Variants in KCTD1 observed in about 807,000 individuals in gnomAD.
The protein encoded by KCTD1 is BTB/POZ domain-containing protein KCTD1.
A neutral mutation model predicts 66.0 loss-of-function variants in KCTD1; 24 were observed. That is an observed-to-expected ratio of 0.36 (90% CI 0.26 to 0.51). The LOEUF (loss-of-function observed/expected upper bound fraction) is 0.51. Among genes scored for constraint, KCTD1 ranks in the 20% least tolerant of loss-of-function variants. The probability of loss-of-function intolerance (pLI) is 0.95; values close to 1 mark genes in which losing one functional copy is unlikely to be tolerated. For synonymous variants in KCTD1, 511 were observed against 517.2 expected (o/e 0.99, Z 0.16); for missense variants, 943 against 1,205.2 (o/e 0.78, Z 3.22).
At position 26,603,255 on chromosome 18, in the gene KCTD1, C is replaced by A. The variant is rs1004457054; in HGVS notation, c.-16+25892G>T. Among the ~76,000 whole-genome samples, 7 of 151,176 alleles carry A rather than the reference C, an allele frequency of 4.6e-5. No homozygotes were observed. The South Asian group carries it at 6.3e-4, about 14-fold the overall frequency. The stretch of plus-strand genomic sequence containing the variant: ...GATCAGCCTGGGCAACATGGTGAAA[C>A]CTTGTCTGTACTAGAAATACAAAAA... On this transcript the variant is annotated intron_variant, in intron 1 of 4. Coordinates refer to the KCTD1 transcript ENST00000317932.
At chr18:26,617,560 T>A (rs1012184737) in intron 1 of KCTD1, among the ~76,000 whole-genome samples, 4 of 152,210 alleles carry the variant, frequency 2.6e-5, no homozygotes. Flanking sequence ...GAGGGAATAA[T>A]GTTTTATAAA....
rs975585121 is a variant in KCTD1 at position 26,656,270 on chromosome 18, C to A, written c.9+1090G>T. 2.6e-5 allele frequency among the ~76,000 whole-genome samples: 4 copies of A among 152,182 alleles called. No individual in the cohort carries two copies. In the East Asian group the frequency reaches 7.8e-4, roughly 30 times the overall value. Reference sequence around the variant, plus strand: ...CCGGGAAGAGGCGAGCGCAGCAAAGCCACAGCCATTACCTGCAGCGCTCGC... The same window carrying A: ...CCGGGAAGAGGCGAGCGCAGCAAAGACACAGCCATTACCTGCAGCGCTCGC... On this transcript the variant is annotated intron_variant, in intron 1 of 4. Coordinates refer to the KCTD1 transcript ENST00000580191.
At chr18:26,560,956 C>T (rs1985833465) in intron 1 of KCTD1, among the ~76,000 whole-genome samples, 1 of 152,152 alleles carries the variant, frequency 6.6e-6, no homozygotes, top group African/African-American at 2.4e-5. Context: ...TACAAGGGTG[C>T]TCTTGAAGCA....
intron 3 of KCTD1, among the ~76,000 whole-genome samples, chr18:26,465,682 G>T (rs1212572541): frequency 1.3e-5 from 2 of 152,292 alleles, no homozygotes; most frequent in East Asian, 3.9e-4. Flanking sequence ...ACGGCGGGAC[G>T]GAAGGCAGGC....
At chr18:26,466,049 C>T (rs28648738) in intron 3 of KCTD1, among the ~76,000 whole-genome samples, 1 of 24,172 alleles carries the variant, frequency 4.1e-5, no homozygotes, top group East Asian at 2.5e-3. Flanking sequence ...GCCACTCTGC[C>T]TTCTCCGAGA....
At chr18:26,586,471 C>T (rs776272800) in intron 1 of KCTD1, among the ~76,000 whole-genome samples, 1 of 152,114 alleles carries the variant, frequency 6.6e-6, no homozygotes, top group South Asian at 2.1e-4. Context: ...TGAAATTAGG[C>T]CAACTAATAA....
At chr18:26,550,334 AT>A (rs879259595), upstream of KCTD1, among the ~76,000 whole-genome samples, 589 of 144,754 alleles carry the variant, frequency 4.1e-3, 1 homozygote, top group African/African-American at 0.012. This position sits in a 1 kb window ranked among gnomAD's most constrained non-coding sequence, Gnocchi z 5.4. Flanking sequence ...ATCAATTTGC[AT>A]TTTTTTTTTT....
chr18:26,593,924 T>G (rs62085481), intron 1 of KCTD1, among the ~76,000 whole-genome samples: 36,549 of 147,544 alleles, frequency 0.25, 4,675 homozygotes, highest in East Asian at 0.34. Flanking sequence ...AGGAGGAAGA[T>G]GAGGAGGAGA....
intron 1 of KCTD1, among the ~76,000 whole-genome samples, chr18:26,569,472 A>G (rs1027334101): frequency 2.0e-5 from 3 of 152,126 alleles, no homozygotes; most frequent in African/African-American, 7.2e-5. Flanking sequence ...ATGGAAAAGA[A>G]ACACTTCCTA....
intron 1 of KCTD1, among the ~76,000 whole-genome samples, chr18:26,512,787 C>T (rs1983404884): frequency 6.6e-6 from 1 of 152,012 alleles, no homozygotes; most frequent in African/African-American, 2.4e-5. Flanking sequence ...TCAAGACCAG[C>T]CTTGACAACA....
intron 1 of KCTD1, chr18:26,566,933 C>T (rs1188131527): frequency 1.3e-5 from 2 of 151,832 alleles, no homozygotes; most frequent in African/African-American, 2.4e-5. Context: ...CCCCAGTGTC[C>T]CTGGGGTGGT....
upstream of KCTD1, among the ~76,000 whole-genome samples, chr18:26,644,852 T>C (rs1253681647): frequency 5.3e-5 from 8 of 151,446 alleles, no homozygotes; most frequent in Non-Finnish European, 1.0e-4. Flanking sequence ...GTGGGAACAG[T>C]TGGAGAATAA....
At chr18:26,639,474 A>G (rs1039365231) in intron 1 of KCTD1, among the ~76,000 whole-genome samples, 3 of 152,178 alleles carry the variant, frequency 2.0e-5, no homozygotes, top group African/African-American at 7.2e-5. Context: ...GATCAGTTTA[A>G]TGGTTGTAAA....
Position 26,626,167 on chromosome 18 carries a change from A to C in KCTD1, c.-16+2980T>G, listed in dbSNP as rs867063512. Among the ~76,000 whole-genome samples the C allele has an allele frequency of 6.0e-3, 624 of 104,106 alleles. 5 individuals are homozygous for C. Among genetic ancestry groups the C allele is most frequent in the African/African-American group, 0.034 (593 of 17,558 alleles). 68.3% of individuals were successfully genotyped at this position (104,106 alleles called of 152,430 possible). ...AGTTTCATGAGCCAAAAAAAAAAAC[A>C]AAAAAAAAAACCTTTTATTGTTGGA... On this transcript the variant is annotated intron_variant, in intron 1 of 4. Coordinates refer to the KCTD1 transcript ENST00000317932.
At position 26,520,436 on chromosome 18, in the gene KCTD1, G is replaced by T. The variant is rs528499243; in HGVS notation, c.1810-19186C>A. 6.6e-5 allele frequency among the ~76,000 whole-genome samples: 10 copies of T among 152,310 alleles called. No individual in the cohort carries two copies. The South Asian group carries it at 2.1e-3, about 32-fold the overall frequency. On this transcript the variant is annotated intron_variant, in intron 1 of 4. Coordinates refer to ENST00000580059, the MANE Select transcript of KCTD1 (RefSeq NM_001142730.3). Reference sequence around the variant, plus strand: ...GAAGACCTCAGGTACCCCCACAGAGGTTATTAAGTATAATCCTTGCTTTTT... The same window carrying T: ...GAAGACCTCAGGTACCCCCACAGAGTTTATTAAGTATAATCCTTGCTTTTT...
chr18:26,629,185 C>T (rs935738492), exon 1 of KCTD1: 21 of 985,208 alleles, frequency 2.1e-5, no homozygotes, highest in Non-Finnish European at 2.2e-5. Context: ...CTGCACCCTC[C>T]GTCCCAGTTG....
chr18:26,618,935 T>G (rs1316633713), intron 1 of KCTD1, among the ~76,000 whole-genome samples: 1 of 152,230 alleles, frequency 6.6e-6, no homozygotes, highest in Non-Finnish European at 1.5e-5. Context: ...GTTGGCATTT[T>G]ACAGTCCTCC....
intron 1 of KCTD1, among the ~76,000 whole-genome samples, chr18:26,569,171 G>A (rs1986048312): frequency 6.6e-6 from 1 of 152,180 alleles, no homozygotes; most frequent in African/African-American, 2.4e-5. Flanking sequence ...AAAAAAATGA[G>A]GAAGTAGTAT....
chr18:26,548,702 C>G (rs1251017829), upstream of KCTD1: 5 of 933,058 alleles, frequency 5.4e-6, no homozygotes, highest in South Asian at 2.2e-4. Flanking sequence ...GGAGGGGCAG[C>G]GGCGCGCAGG....
Sources: allele counts gnomAD v4.1 joint callset (sites outside exome capture counted in the v4.1 genomes callset), GRCh38; gene constraint gnomAD v4.1.1; non-coding constraint Gnocchi (gnomAD v3.1); transcripts MANE v1.5; gene names NCBI Gene and HGNC (gene_info 2026-07-23, HGNC 2026-07-21).